ZNF587B: variants seen among roughly 807,000 people sequenced by gnomAD.
The protein encoded by ZNF587B is zinc finger protein 587B.
ZNF587B carries 6 observed loss-of-function variants against 7.2 expected under a neutral mutation model. That is an observed-to-expected ratio of 0.83 (90% CI 0.46 to 1.65). ZNF587B has a LOEUF of 1.65. Ranked by LOEUF, ZNF587B falls within the 40% of genes most tolerant of loss-of-function variation. The probability of loss-of-function intolerance (pLI) is 0.01; values close to 1 mark genes in which losing one functional copy is unlikely to be tolerated. For synonymous variants in ZNF587B, 274 were observed against 254.3 expected (o/e 1.08, Z -0.74); for missense variants, 749 against 761.0 (o/e 0.98, Z 0.19).
In ZNF587B at chr19:57,842,166, G is replaced by C. The variant is rs773967968; in HGVS notation, c.1492G>C (p.Ala498Pro). 1.2e-6 allele frequency: 2 copies of C among 1,612,958 alleles called. No individual in the cohort carries two copies. The highest frequency in any genetic ancestry group is 8.5e-7 in the Non-Finnish European group (1 of 1,179,538). ...TGGAGAGAAGCCATATGCTTGTGAG[G>C]CTTGTCAGAAATTTTTTAGGCACAA... Reference protein sequence around the residue: ...HSGEKPYACEACQKFFRHKCH... With the variant: ...HSGEKPYACEPCQKFFRHKCH... Residue 498 changes from alanine to proline, a missense_variant, in exon 3 of 3, where the codon GCT becomes CCT. This residue lies in a region of ZNF587B where 656 missense variants were observed against 596.5 expected (regional missense o/e 1.10). Transcript: ENST00000594901.
At position 57,843,030 on chromosome 19, in the gene ZNF587B, C is replaced by G. The variant is rs1988918135; in HGVS notation, c.*454C>G. On this transcript the variant is annotated 3_prime_UTR_variant, in exon 3 of 3. Transcript: ENST00000594901. ...CTTTTTTTGGAGAGACGGTCTCACT[C>G]CATCACCCATGCTGGTGTGCAGTGC... 1 of 948,906 alleles carries G rather than the reference C, an allele frequency of 1.1e-6. No individual in the cohort carries two copies. Among genetic ancestry groups the G allele is most frequent in the Non-Finnish European group, 1.3e-6 (1 of 796,848 alleles). The allele number at this position is 948,906 out of a possible 1,614,324, so 58.8% of individuals were successfully genotyped here.
At position 57,842,272 on chromosome 19, in the gene ZNF587B, A is replaced by T. The variant is rs765409141; in HGVS notation, c.1598A>T (p.His533Leu). The change falls in exon 3 of 3, where the codon CAC becomes CTC. Residue 533 changes from histidine (H) to leucine (L), a missense_variant. His to Leu is a moderately conservative substitution (Grantham distance 99). Around this residue, in one of 3 missense-constraint regions of ZNF587B, gnomAD observed 656 missense variants for 596.5 expected, o/e 1.10. Coordinates refer to ENST00000594901, the MANE Select transcript of ZNF587B (RefSeq NM_001376223.1). ...AGTGATTGTGGGAAGTCATTTACCC[A>T]CAGCTGTGCATTCATTGTTCATAAG... The part of the protein sequence containing the change: ...ECSDCGKSFT[H>L]SCAFIVHKRV... The T allele has an allele frequency of 6.2e-7, 1 of 1,613,342 alleles. No homozygotes were observed. The highest frequency in any genetic ancestry group is 1.3e-5 in the African/African-American group (1 of 75,026).
rs959834968 is a variant in ZNF587B, at chr19:57,843,234, T to C, written c.*658T>C. ...ATCGAACTCCTGAGCTCAAGCAATC[T>C]GTACACCTCAGCCTCCCAAAGTGCT... On this transcript the variant is annotated 3_prime_UTR_variant, in exon 3 of 3. Coordinates refer to ENST00000594901, the MANE Select transcript of ZNF587B (RefSeq NM_001376223.1). 1.1e-6 allele frequency: 1 copy of C among 931,854 alleles called. No individual in the cohort carries two copies. Among genetic ancestry groups the C allele is most frequent in the African/African-American group, 1.8e-5 (1 of 56,100 alleles). 57.7% of individuals were successfully genotyped at this position (931,854 alleles called of 1,614,324 possible).
At position 57,842,418 on chromosome 19, in the gene ZNF587B, G is replaced by A. The variant is rs371347944; in HGVS notation, c.1744G>A (p.Glu582Lys). Residue 582 changes from glutamate to lysine, a missense_variant, in exon 3 of 3, where the codon GAA becomes AAA. By Grantham distance (56) the Glu-to-Lys change is moderately conservative. Coordinates refer to ENST00000594901, the MANE Select transcript of ZNF587B (RefSeq NM_001376223.1). ...HTGQKPYECS[E>K]CGKSFAGISS... is the part of the protein sequence containing the mutation. ...TGGTCAGAAGCCTTATGAGTGCAGT[G>A]AATGTGGGAAATCTTTTGCTGGAAT... 179 of 1,600,382 alleles carry A rather than the reference G, an allele frequency of 1.1e-4. No individual in the cohort carries two copies. In the East Asian group the frequency reaches 2.5e-3, roughly 22 times the overall value.
intron 1 of ZNF587B, among the ~76,000 whole-genome samples, chr19:57,832,808 C>T (rs1280960976): frequency 1.3e-5 from 2 of 152,256 alleles, no homozygotes; most frequent in Admixed American, 6.5e-5. Context: ...AGAGCTGTAC[C>T]ACCTTTGTGG....
Position 57,842,355 on chromosome 19 carries a change from G to A in ZNF587B, c.1681G>A (p.Ala561Thr), listed in dbSNP as rs772671009. The stretch of plus-strand genomic sequence containing the variant: ...CAGTGAATGTGGGAAATCTTTTGCT[G>A]CAAGCTCCTATCTCACTAGTCACAG... ...ECSECGKSFA[A>T]SSYLTSHRRV... is the part of the protein sequence containing the mutation. Residue 561 changes from alanine (A) to threonine (T), a missense_variant, in exon 3 of 3, where the codon GCA (alanine) becomes ACA (threonine). Ala to Thr is a moderately conservative substitution (Grantham distance 58). Coordinates refer to ENST00000594901, the MANE Select transcript of ZNF587B (RefSeq NM_001376223.1). The A allele has an allele frequency of 2.5e-6, 4 of 1,605,552 alleles. No individual in the cohort carries two copies. Among genetic ancestry groups the A allele is most frequent in the Non-Finnish European group, 3.4e-6 (4 of 1,175,956 alleles).
At position 57,839,163 on chromosome 19, in the gene ZNF587B, A is replaced by G. The variant is rs1197285202; in HGVS notation, c.163+14A>G. On this transcript the variant is annotated intron_variant, in intron 2 of 2. Transcript: ENST00000594901. The stretch of plus-strand genomic sequence containing the variant: ...TGTCCTCCCTGGGTAAGTTGCTCAC[A>G]CTCACCCTGTGACTTGAGCTAGTCT... 1.9e-6 allele frequency: 3 copies of G among 1,613,896 alleles called. No individual in the cohort carries two copies. The highest frequency in any genetic ancestry group is 3.3e-5 in the Admixed American group (2 of 59,994).
intron 2 of ZNF587B, among the ~76,000 whole-genome samples, chr19:57,839,904 C>A (rs1039932469): frequency 2.0e-5 from 3 of 151,804 alleles, no homozygotes; most frequent in Non-Finnish European, 4.4e-5. Context: ...GATGGTGAAA[C>A]CCTGTCTCTA....
chr19:57,843,587 GTTGTTTTTTTTTGTTT>G lies in ZNF587B; in HGVS notation c.*1014_*1029del, dbSNP rs1199635496. ...GTTTGGTTGGTTGGTTGGTTGGTTG[GTTGTTTTTTTTTGTTT>G]TTTTTTTTTTTTTTTTTGGAGACAA... On this transcript the variant is annotated 3_prime_UTR_variant, in exon 3 of 3. Coordinates refer to ENST00000594901, the MANE Select transcript of ZNF587B (RefSeq NM_001376223.1). The G allele has an allele frequency of 4.8e-4, 361 of 759,502 alleles. 3 individuals carry two copies. The highest frequency in any genetic ancestry group is 3.3e-3 in the African/African-American group (91 of 27,736). 47.0% of individuals were successfully genotyped at this position (759,502 alleles called of 1,614,324 possible).
At chr19:57,837,479 C>T (rs1228019937) in intron 1 of ZNF587B, among the ~76,000 whole-genome samples, 7 of 146,914 alleles carry the variant, frequency 4.8e-5, no homozygotes, top group African/African-American at 1.8e-4. Flanking sequence ...GATGGAGTCT[C>T]GCTCTGTAGC....
At chr19:57,836,927 C>T (rs969024661) in intron 1 of ZNF587B, among the ~76,000 whole-genome samples, 2 of 149,550 alleles carry the variant, frequency 1.3e-5, no homozygotes, top group Admixed American at 1.3e-4. Flanking sequence ...TGCACCACCC[C>T]GCTCCAGCCT....
intron 2 of ZNF587B, among the ~76,000 whole-genome samples, chr19:57,840,292 T>G (rs1442019787): frequency 6.6e-6 from 1 of 152,074 alleles, no homozygotes; most frequent in Non-Finnish European, 1.5e-5. Context: ...ACTCCTTTTT[T>G]TAAGCTTTGA....
intron 1 of ZNF587B, among the ~76,000 whole-genome samples, chr19:57,834,909 A>G (rs375584706): frequency 0.023 from 2,082 of 90,162 alleles, 32 homozygotes; most frequent in African/African-American, 0.045. Context: ...TTTCTATTCC[A>G]CCATCCTGCT....
At chr19:57,839,701 G>A (rs1341532227) in intron 2 of ZNF587B, among the ~76,000 whole-genome samples, 1 of 151,800 alleles carries the variant, frequency 6.6e-6, no homozygotes, top group East Asian at 1.9e-4. Flanking sequence ...TCATTGTGGT[G>A]GGAGGCACAG....
At chr19:57,836,960 TA>T (rs71188052) in intron 1 of ZNF587B, among the ~76,000 whole-genome samples, 5,334 of 106,178 alleles carry the variant, frequency 0.05, 121 homozygotes, top group African/African-American at 0.098. Flanking sequence ...GACTCCGTCA[TA>T]AAAAAAAAAA....
rs1331690089 is a variant in ZNF587B, at chr19:57,842,967, G to A, written c.*391G>A. The A allele has an allele frequency of 2.7e-5, 27 of 985,196 alleles. No homozygotes were observed. Among genetic ancestry groups the A allele is most frequent in the East Asian group, 1.1e-4 (1 of 8,830 alleles). The allele number at this position is 985,196 out of a possible 1,614,324, so 61.0% of individuals were successfully genotyped here. The stretch of plus-strand genomic sequence containing the variant: ...CTGAGATGAGAAAAACACTGTAGAT[G>A]TATAGGTTAGATATATAGGGAATGT... On this transcript the variant is annotated 3_prime_UTR_variant, in exon 3 of 3. Coordinates refer to ENST00000594901, the MANE Select transcript of ZNF587B (RefSeq NM_001376223.1).
chr19:57,838,508 G>A (rs1988715881), intron 1 of ZNF587B, among the ~76,000 whole-genome samples: 1 of 152,204 alleles, frequency 6.6e-6, no homozygotes, highest in African/African-American at 2.4e-5. Flanking sequence ...GGCTGAGGCA[G>A]AAGAATTGCT....
In ZNF587B at chr19:57,842,406, T is replaced by C. The variant is rs777552747; in HGVS notation, c.1732T>C (p.Tyr578His). Residue 578 changes from tyrosine to histidine, a missense_variant, in exon 3 of 3, where the codon TAT becomes CAT. Around this residue, in one of 3 missense-constraint regions of ZNF587B, gnomAD observed 656 missense variants for 596.5 expected, o/e 1.10. Coordinates refer to ENST00000594901, the MANE Select transcript of ZNF587B (RefSeq NM_001376223.1). ...GAGAGTTCACACTGGTCAGAAGCCT[T>C]ATGAGTGCAGTGAATGTGGGAAATC... is the stretch of plus-strand genomic sequence containing the variant. ...HRRVHTGQKP[Y>H]ECSECGKSFA... 1.9e-6 allele frequency: 3 copies of C among 1,600,970 alleles called. No homozygotes were observed. Among genetic ancestry groups the C allele is most frequent in the African/African-American group, 1.3e-5 (1 of 74,546 alleles).
chr19:57,830,439 C>T lies in ZNF587B; in HGVS notation c.-90C>T. 4 of 1,435,110 alleles carry T rather than the reference C, an allele frequency of 2.8e-6. No individual in the cohort carries two copies. The highest frequency in any genetic ancestry group is 3.8e-6 in the Non-Finnish European group (4 of 1,051,380). 88.9% of individuals were successfully genotyped at this position (1,435,110 alleles called of 1,614,324 possible). A position where few individuals can be genotyped will look rare whatever the true frequency, so the allele number is the denominator to read the frequency against. Reference sequence around the variant, plus strand: ...GCTCTGTGACGGCGCCAAGCGTGACCCACCCCTGGGCCAGGATAGGGACCG... The same window carrying T: ...GCTCTGTGACGGCGCCAAGCGTGACTCACCCCTGGGCCAGGATAGGGACCG... On this transcript the variant is annotated 5_prime_UTR_variant, in exon 1 of 3. Coordinates refer to ENST00000594901, the MANE Select transcript of ZNF587B (RefSeq NM_001376223.1).
Sources: gnomAD v4.1 joint callset for allele counts (sites outside exome capture counted in the v4.1 genomes callset) on GRCh38, gnomAD v4.1.1 for gene constraint, gnomAD v4.1.1 regional missense constraint, MANE v1.5 for transcripts, NCBI Gene and HGNC (gene_info 2026-07-23, HGNC 2026-07-21) for gene names.